Variants in HACD3 observed in about 807,000 individuals in gnomAD.
HACD3 encodes 3-hydroxyacyl-CoA dehydratase 3, also known as very-long-chain (3R)-3-hydroxyacyl-CoA dehydratase 3.
A neutral mutation model predicts 55.2 loss-of-function variants in HACD3; 30 were observed. The ratio of observed to expected loss-of-function variants is 0.54; its 90% CI spans 0.41 to 0.74. The LOEUF (loss-of-function observed/expected upper bound fraction) is 0.74. Ranked by LOEUF, HACD3 falls within the 30% of genes least tolerant of loss-of-function variation. The pLI is 0.00. For synonymous variants in HACD3, 141 were observed against 151.7 expected (o/e 0.93, Z 0.52); for missense variants, 363 against 440.1 (o/e 0.82, Z 1.57).
At position 65,530,501 on chromosome 15, in the gene HACD3, C is replaced by G. The variant is rs1294013355; in HGVS notation, c.-131C>G. 10 of 750,438 alleles carry G rather than the reference C, an allele frequency of 1.3e-5. 1 individual carries two copies. In the South Asian group the frequency reaches 1.8e-4, roughly 14 times the overall value. The allele number at this position is 750,438 out of a possible 1,614,324, so 46.5% of individuals were successfully genotyped here. On this transcript the variant is annotated 5_prime_UTR_variant, in exon 1 of 11. Transcript: ENST00000261875. ...CGCGGCCCGCGAGCGTGGGGTATCT[C>G]GAGGTGCCGGGTTGCAGGCGCTCAG...
At chr15:65,551,797 G>A in intron 2 of HACD3, 79 bp downstream of exon 2, 5 of 1,529,888 alleles carry the variant, frequency 3.3e-6, no homozygotes, top group Admixed American at 3.4e-5. Flanking sequence ...TTAAAAAAAT[G>A]TATTTGTCTT....
At chr15:65,570,006 G>A (rs1300073321) in intron 7 of HACD3, 85 bp from the exon 8 acceptor site, 3 of 864,170 alleles carry the variant, frequency 3.5e-6, no homozygotes, top group East Asian at 5.7e-5. Context: ...CTTGCATTTA[G>A]TGGGGTTAGA....
At chr15:65,575,977 C>T (rs1279325882) in intron 10 of HACD3, among the ~76,000 whole-genome samples, 4 of 152,086 alleles carry the variant, frequency 2.6e-5, no homozygotes, top group Non-Finnish European at 5.9e-5. Flanking sequence ...GCCTGTAATC[C>T]CAGCTACTCA....
intron 5 of HACD3, among the ~76,000 whole-genome samples, chr15:65,559,061 A>G (rs1194657206): frequency 6.6e-6 from 1 of 152,244 alleles, no homozygotes; most frequent in Non-Finnish European, 1.5e-5. Context: ...ATCCAAGGCT[A>G]CACTCCTTCA....
chr15:65,548,814 C>T (rs967107026), intron 1 of HACD3, among the ~76,000 whole-genome samples: 15 of 152,144 alleles, frequency 9.9e-5, no homozygotes, highest in African/African-American at 2.4e-4. Context: ...GATCTTCCTG[C>T]GTAGGCCTCC....
intron 10 of HACD3, among the ~76,000 whole-genome samples, chr15:65,575,192 T>TG (rs972385026): frequency 1.2e-4 from 18 of 151,358 alleles, no homozygotes; most frequent in African/African-American, 4.4e-4. Context: ...TTTTTAGTTT[T>TG]TTTTTTTTTT....
intron 2 of HACD3, among the ~76,000 whole-genome samples, chr15:65,552,849 C>A (rs1026343553): frequency 6.6e-6 from 1 of 151,576 alleles, no homozygotes. Context: ...CCACTCCCCC[C>A]ACCCCACAAC....
chr15:65,570,055 A>G, intron 7 of HACD3, 36 bp from the exon 8 acceptor site: 1 of 1,352,906 alleles, frequency 7.4e-7, no homozygotes, highest in Non-Finnish European at 1.0e-6. Flanking sequence ...CATATATTTT[A>G]TTAACTTTTT....
At chr15:65,547,628 A>G (rs1198103010) in intron 1 of HACD3, among the ~76,000 whole-genome samples, 1 of 152,250 alleles carries the variant, frequency 6.6e-6, no homozygotes, top group African/African-American at 2.4e-5. Flanking sequence ...TCTTGGAAGC[A>G]GGCCCTTTTA....
intron 7 of HACD3, among the ~76,000 whole-genome samples, chr15:65,568,115 G>A (rs1054273213): frequency 6.6e-6 from 1 of 151,698 alleles, no homozygotes. Context: ...TAGAGATGGG[G>A]TTTCCCATGT....
In HACD3 at chr15:65,535,355, C is replaced by T. The variant is rs574542725; in HGVS notation, c.87+4637C>T. 9.2e-5 allele frequency among the ~76,000 whole-genome samples: 14 copies of T among 152,202 alleles called. No individual in the cohort carries two copies. In the South Asian group the frequency reaches 2.1e-3, roughly 23 times the overall value. On this transcript the variant is annotated intron_variant, in intron 1 of 10. Transcript: ENST00000261875. The stretch of plus-strand genomic sequence containing the variant: ...CACCTACAGACCAATAGGCAAAAGA[C>T]GTATTACCTAATAGAAAAAGGGGCA...
Position 65,576,496 on chromosome 15 carries a change from G to A in HACD3, c.*117G>A. 1 of 1,080,562 alleles carries A rather than the reference G, an allele frequency of 9.3e-7. No individual in the cohort carries two copies. The highest frequency in any genetic ancestry group is 1.3e-6 in the Non-Finnish European group (1 of 765,120). The allele number at this position is 1,080,562 out of a possible 1,614,324, so 66.9% of individuals were successfully genotyped here. On this transcript the variant is annotated 3_prime_UTR_variant, in exon 11 of 11. Transcript: ENST00000261875. ...GTTAAATGATTAAATTCTCAGTGAGGCTATCTTCCTTTTCCCCAGTAACAT... is the reference window on the plus strand; with the variant it reads ...GTTAAATGATTAAATTCTCAGTGAGACTATCTTCCTTTTCCCCAGTAACAT...
chr15:65,545,260 G>T (rs1293153870), intron 1 of HACD3, among the ~76,000 whole-genome samples: 2 of 152,090 alleles, frequency 1.3e-5, no homozygotes. Flanking sequence ...ACATAAGGAT[G>T]CCATAAGTAA....
chr15:65,564,683 C>G (rs190474759), intron 7 of HACD3: 69 of 186,264 alleles, frequency 3.7e-4, no homozygotes, highest in Middle Eastern at 4.4e-3. Context: ...TTTACCTCCC[C>G]CTAGGTCCCT....
At chr15:65,550,353 C>T (rs1447099751) in intron 1 of HACD3, among the ~76,000 whole-genome samples, 1 of 152,114 alleles carries the variant, frequency 6.6e-6, no homozygotes, top group Non-Finnish European at 1.5e-5. Flanking sequence ...AGCCATTGCA[C>T]TCCAGCCTGG....
At chr15:65,543,903 G>A (rs1314852957) in intron 1 of HACD3, among the ~76,000 whole-genome samples, 6 of 152,148 alleles carry the variant, frequency 3.9e-5, no homozygotes, top group South Asian at 2.1e-4. Context: ...TCGGCGGGGC[G>A]TGGTGGATCA....
chr15:65,537,459 C>G (rs1375627788), intron 1 of HACD3, among the ~76,000 whole-genome samples: 1 of 151,872 alleles, frequency 6.6e-6, no homozygotes, highest in Non-Finnish European at 1.5e-5. Context: ...GAAGCCAGTG[C>G]CCCTTTACCA....
intron 10 of HACD3, chr15:65,574,556 C>A (rs1268554150): frequency 6.6e-6 from 1 of 152,222 alleles, no homozygotes; most frequent in African/African-American, 2.4e-5. Flanking sequence ...GCAAGGTAAG[C>A]CCAGGAAGCC....
intron 7 of HACD3, among the ~76,000 whole-genome samples, chr15:65,568,217 C>T (rs191973402): frequency 9.1e-4 from 138 of 151,570 alleles, no homozygotes; most frequent in Admixed American, 1.6e-3. Flanking sequence ...CCACCGTGCC[C>T]GGCAATGGGT....
Sources: allele counts gnomAD v4.1 joint callset (sites outside exome capture counted in the v4.1 genomes callset), GRCh38; gene constraint gnomAD v4.1.1; transcripts MANE v1.5; gene names NCBI Gene and HGNC (gene_info 2026-07-23, HGNC 2026-07-21).